GNG12: variants seen among roughly 807,000 people sequenced by gnomAD.
GNG12 encodes guanine nucleotide-binding protein G(I)/G(S)/G(O) subunit gamma-12.
For missense variants in GNG12, 69 were observed against 83.8 expected (o/e 0.82, Z 0.69); for synonymous variants, 28 against 29.7 (o/e 0.94, Z 0.19).
chr1:67,702,840 T>C lies in GNG12; in HGVS notation c.*2611A>G, dbSNP rs2100658918. Reference sequence around the variant, plus strand: ...TTAAGGACAAAGTATACTGAATATATTGAAACAGCTTCATGGAAATGAAGC... The same window carrying C: ...TTAAGGACAAAGTATACTGAATATACTGAAACAGCTTCATGGAAATGAAGC... On this transcript the variant is annotated 3_prime_UTR_variant, in exon 4 of 4. Transcript: ENST00000370982. The C allele has an allele frequency of 6.6e-6, 1 of 152,274 alleles. No individual in the cohort carries two copies. The highest frequency in any genetic ancestry group is 2.1e-4 in the South Asian group (1 of 4,820). 9.4% of individuals were successfully genotyped at this position (152,274 alleles called of 1,614,324 possible).
chr1:67,818,426 T>G (rs1035015935), intron 1 of GNG12, among the ~76,000 whole-genome samples: 5 of 148,092 alleles, frequency 3.4e-5, no homozygotes, highest in Admixed American at 6.7e-5. Flanking sequence ...TTTTTTTTTT[T>G]TTTTTTTTTT....
At chr1:67,740,480 T>A (rs1646476833) in intron 2 of GNG12, among the ~76,000 whole-genome samples, 1 of 152,252 alleles carries the variant, frequency 6.6e-6, no homozygotes, top group Admixed American at 6.5e-5. Context: ...TAAGCAGTTG[T>A]GATAAAGACT....
At chr1:67,810,807 A>G (rs376132604) in intron 1 of GNG12, among the ~76,000 whole-genome samples, 5 of 152,210 alleles carry the variant, frequency 3.3e-5, no homozygotes, top group African/African-American at 9.6e-5. Flanking sequence ...GATGACCGCA[A>G]TGATGACTGA....
chr1:67,804,073 G>A (rs1646881593), intron 1 of GNG12, among the ~76,000 whole-genome samples: 1 of 152,150 alleles, frequency 6.6e-6, no homozygotes. Flanking sequence ...GCAGGTTAAA[G>A]GTTGTGGTCA....
At chr1:67,747,282 G>A (rs1476936344) in intron 2 of GNG12, among the ~76,000 whole-genome samples, 2 of 152,134 alleles carry the variant, frequency 1.3e-5, no homozygotes, top group Non-Finnish European at 1.5e-5. Context: ...ACCATGCCCA[G>A]CTAATTTTTA....
chr1:67,724,525 G>A (rs1646375218), intron 2 of GNG12, among the ~76,000 whole-genome samples: 2 of 152,254 alleles, frequency 1.3e-5, no homozygotes, highest in South Asian at 4.1e-4. Context: ...GAGTAGCTGG[G>A]ACTATGGGCA....
Position 67,702,717 on chromosome 1 carries a change from T to G in GNG12, c.*2734A>C, listed in dbSNP as rs946668723. 1 of 152,156 alleles carries G rather than the reference T, an allele frequency of 6.6e-6. No homozygotes were observed. Among genetic ancestry groups the G allele is most frequent in the Non-Finnish European group, 1.5e-5 (1 of 68,034 alleles). The allele number at this position is 152,156 out of a possible 1,614,324, so 9.4% of individuals were successfully genotyped here. Reference sequence around the variant, plus strand: ...AAAATACTTCGGAGTCATGAAATCATGCCGTGGTCCTGAGGCCTCAACTGG... The same window carrying G: ...AAAATACTTCGGAGTCATGAAATCAGGCCGTGGTCCTGAGGCCTCAACTGG... On this transcript the variant is annotated 3_prime_UTR_variant, in exon 4 of 4. Transcript: ENST00000370982.
At chr1:67,745,109 GTAAA>G (rs1359013430) in intron 2 of GNG12, among the ~76,000 whole-genome samples, 1 of 152,214 alleles carries the variant, frequency 6.6e-6, no homozygotes, top group Non-Finnish European at 1.5e-5. Flanking sequence ...TTGGCACATG[GTAAA>G]TATTTACTTA....
At chr1:67,799,821 T>C (rs536742100) in intron 1 of GNG12, among the ~76,000 whole-genome samples, 234 of 152,364 alleles carry the variant, frequency 1.5e-3, no homozygotes, top group African/African-American at 5.5e-3. Flanking sequence ...GTGAAAATTG[T>C]TTTACAGTTT....
At chr1:67,757,334 T>C (rs146900358) in intron 2 of GNG12, among the ~76,000 whole-genome samples, 1 of 152,190 alleles carries the variant, frequency 6.6e-6, no homozygotes, top group African/African-American at 2.4e-5. Context: ...GGATTTCAGA[T>C]TCCTGGATTA....
At chr1:67,831,081 C>G (rs1647041698) in intron 1 of GNG12, among the ~76,000 whole-genome samples, 1 of 152,176 alleles carries the variant, frequency 6.6e-6, no homozygotes, top group African/African-American at 2.4e-5. Context: ...GACTCCAAAG[C>G]CAACACCCCA....
rs779672031 is a variant in GNG12 at position 67,829,803 on chromosome 1, CAATT to C, written c.-77+3537_-77+3540del. On this transcript the variant is annotated intron_variant, in intron 1 of 3. Coordinates refer to ENST00000370982, the MANE Select transcript of GNG12 (RefSeq NM_018841.6). ...AGAGCATAATGTCATAGGCAAGAAA[CAATT>C]AATAATCACACTGTACCCTTTATAG... 1.8e-4 allele frequency among the ~76,000 whole-genome samples: 28 copies of C among 152,248 alleles called. No individual in the cohort carries two copies. The East Asian group carries it at 3.3e-3, about 18-fold the overall frequency.
chr1:67,774,277 C>T (rs1202910937), intron 2 of GNG12, among the ~76,000 whole-genome samples: 1 of 152,196 alleles, frequency 6.6e-6, no homozygotes, highest in Admixed American at 6.5e-5. Flanking sequence ...CTCCCATGAA[C>T]TGGGGACTTA....
At chr1:67,751,592 C>T (rs1318062789) in intron 2 of GNG12, among the ~76,000 whole-genome samples, 1 of 152,258 alleles carries the variant, frequency 6.6e-6, no homozygotes, top group Admixed American at 6.5e-5. Flanking sequence ...GTCTTGAGTA[C>T]AAAAGTACAT....
At chr1:67,779,554 T>C (rs1646725247) in intron 1 of GNG12, among the ~76,000 whole-genome samples, 1 of 152,106 alleles carries the variant, frequency 6.6e-6, no homozygotes, top group Non-Finnish European at 1.5e-5. Flanking sequence ...CTGTTCTTTC[T>C]GCCCAACATG....
At chr1:67,768,627 T>C (rs1049499982) in intron 2 of GNG12, among the ~76,000 whole-genome samples, 1 of 152,224 alleles carries the variant, frequency 6.6e-6, no homozygotes, top group African/African-American at 2.4e-5. Context: ...CAGTGTTTCC[T>C]TTAATATAGC....
intron 1 of GNG12, among the ~76,000 whole-genome samples, chr1:67,780,926 C>T (rs1464316717): frequency 6.6e-6 from 1 of 152,206 alleles, no homozygotes; most frequent in Non-Finnish European, 1.5e-5. Context: ...GCTGAAAAAT[C>T]TCCTTTGGCT....
chr1:67,805,869 G>A (rs1646891794), intron 1 of GNG12, among the ~76,000 whole-genome samples: 1 of 141,772 alleles, frequency 7.1e-6, no homozygotes, highest in African/African-American at 2.6e-5. Flanking sequence ...TCCAACCTCA[G>A]AAAATCAAAG....
intron 2 of GNG12, among the ~76,000 whole-genome samples, chr1:67,745,164 T>C (rs1341219935): frequency 6.6e-6 from 1 of 152,226 alleles, no homozygotes; most frequent in African/African-American, 2.4e-5. Context: ...TTCTCTTGTA[T>C]GGGTACTTAT....
Sources: allele counts gnomAD v4.1 joint callset (sites outside exome capture counted in the v4.1 genomes callset), GRCh38; gene constraint gnomAD v4.1.1; transcripts MANE v1.5; gene names NCBI Gene and HGNC (gene_info 2026-07-23, HGNC 2026-07-21).